Variants in CADPS2 observed in about 807,000 individuals in gnomAD.
CADPS2 encodes calcium-dependent secretion activator 2.
Under a neutral mutation model 172.5 loss-of-function variants are expected in CADPS2, and 93 were observed. That is an observed-to-expected ratio of 0.54 (90% CI 0.46 to 0.64). CADPS2 has a LOEUF of 0.64. Among genes scored for constraint, CADPS2 ranks in the 30% least tolerant of loss-of-function variants. CADPS2 has a pLI of 0.00. For synonymous variants in CADPS2, 546 were observed against 555.2 expected (o/e 0.98, Z 0.23); for missense variants, 1,420 against 1,565.9 (o/e 0.91, Z 1.57).
At chr7:122,362,867 A>T (rs1469998009) in intron 25 of CADPS2, among the ~76,000 whole-genome samples, 1 of 152,202 alleles carries the variant, frequency 6.6e-6, no homozygotes, top group Non-Finnish European at 1.5e-5. Flanking sequence ...GTTTATGCAA[A>T]AGAAACAAAA....
intron 1 of CADPS2, among the ~76,000 whole-genome samples, chr7:122,860,736 C>T (rs1336499053): frequency 6.6e-6 from 1 of 152,106 alleles, no homozygotes; most frequent in Non-Finnish European, 1.5e-5. Flanking sequence ...AACCCCTGTA[C>T]CCAATACTTT....
At chr7:122,490,833 G>C (rs1180222161) in intron 10 of CADPS2, among the ~76,000 whole-genome samples, 1 of 151,722 alleles carries the variant, frequency 6.6e-6, no homozygotes, top group African/African-American at 2.4e-5. Flanking sequence ...CTTGATCTTA[G>C]ATATTAATGT....
At chr7:122,644,403 T>C (rs2078071655) in intron 3 of CADPS2, among the ~76,000 whole-genome samples, 1 of 152,180 alleles carries the variant, frequency 6.6e-6, no homozygotes, top group African/African-American at 2.4e-5. Context: ...GACAAACCAA[T>C]TACTTAACAA....
At chr7:122,542,350 C>G (rs979501976) in intron 8 of CADPS2, among the ~76,000 whole-genome samples, 1 of 152,092 alleles carries the variant, frequency 6.6e-6, no homozygotes, top group African/African-American at 2.4e-5. Context: ...TTACTACAAA[C>G]ACACCTAACA....
rs764776722 is a variant in CADPS2, at chr7:122,393,299, G to T, written c.2905C>A (p.Leu969Ile). 1 of 1,613,886 alleles carries T rather than the reference G, an allele frequency of 6.2e-7. No individual in the cohort carries two copies. The highest frequency in any genetic ancestry group is 1.1e-5 in the South Asian group (1 of 91,076). Residue 969 changes from leucine to isoleucine, a missense_variant, in exon 22 of 30, where the codon CTT (leucine) becomes ATT (isoleucine). Coordinates refer to ENST00000449022, the MANE Select transcript of CADPS2 (RefSeq NM_017954.11). Reference protein sequence around the residue: ...WQPVKNIANSLPNVALPKVPS... With the variant: ...WQPVKNIANSIPNVALPKVPS... ...ACTTTTGGAAGAGCTACATTGGGAAGACTGTTGGCGATATTCCTGTAAAGA... is the reference window on the plus strand; with the variant it reads ...ACTTTTGGAAGAGCTACATTGGGAATACTGTTGGCGATATTCCTGTAAAGA...
At chr7:122,629,640 A>G (rs2134175196) in intron 3 of CADPS2, among the ~76,000 whole-genome samples, 1 of 152,262 alleles carries the variant, frequency 6.6e-6, no homozygotes, top group Admixed American at 6.5e-5. Flanking sequence ...TTGTTCTTTC[A>G]AGTTCTCACC....
chr7:122,495,144 C>G (rs1163136924), intron 9 of CADPS2, among the ~76,000 whole-genome samples: 1 of 152,040 alleles, frequency 6.6e-6, no homozygotes, highest in Non-Finnish European at 1.5e-5. Flanking sequence ...TGAAATATCT[C>G]CAACATAAAG....
intron 14 of CADPS2, among the ~76,000 whole-genome samples, chr7:122,453,273 A>G (rs1348430972): frequency 1.3e-5 from 2 of 152,184 alleles, no homozygotes; most frequent in Non-Finnish European, 2.9e-5. Context: ...AGTCTAACGC[A>G]TAAATTACAA....
At chr7:122,529,770 T>G (rs560496766) in intron 8 of CADPS2, among the ~76,000 whole-genome samples, 2 of 152,234 alleles carry the variant, frequency 1.3e-5, no homozygotes, top group East Asian at 3.9e-4. Context: ...CGCTTGAAGA[T>G]CCACGCCAAA....
rs57311950 is a variant in CADPS2, at chr7:122,432,643, T to TAAAAAAA, written c.2476+5691_2476+5697dup. 2.7e-4 allele frequency among the ~76,000 whole-genome samples: 29 copies of TAAAAAAA among 108,378 alleles called. 1 individual carries two copies. The highest frequency in any genetic ancestry group is 7.9e-4 in the East Asian group (3 of 3,784). The allele number at this position is 108,378 out of a possible 152,430, so 71.1% of individuals were successfully genotyped here. On this transcript the variant is annotated intron_variant, in intron 17 of 29. Transcript: ENST00000449022. ...GCAACAAGGCAAGACTCTGTTAAAA[T>TAAAAAAA]AAAAAAAAAAAAAAAAAAGAAAAAA...
chr7:122,451,337 T>A (rs2053077918), intron 15 of CADPS2, 37 bp downstream of exon 15: 1 of 1,110,992 alleles, frequency 9.0e-7, no homozygotes, highest in Non-Finnish European at 1.2e-6. Flanking sequence ...GAGTAAAGTA[T>A]GAAAAGAAAT....
chr7:122,448,909 G>A (rs184334775), intron 15 of CADPS2, among the ~76,000 whole-genome samples: 26 of 152,132 alleles, frequency 1.7e-4, no homozygotes, highest in African/African-American at 5.1e-4. Context: ...TAGGCTTAAC[G>A]GCTAAGGTGT....
chr7:122,377,442 G>A (rs1316973181), intron 25 of CADPS2, among the ~76,000 whole-genome samples: 1 of 152,028 alleles, frequency 6.6e-6, no homozygotes, highest in Non-Finnish European at 1.5e-5. Flanking sequence ...TTTCCTTGCT[G>A]CCTGATAAAC....
Position 122,493,720 on chromosome 7 carries a change from CTTTT to C in CADPS2, c.1543-2304_1543-2301del, listed in dbSNP as rs10544810. Among the ~76,000 whole-genome samples, 485 of 131,582 alleles carry C rather than the reference CTTTT, an allele frequency of 3.7e-3. 1 individual carries two copies. The highest frequency in any genetic ancestry group is 9.4e-3 in the African/African-American group (342 of 36,500). 86.3% of individuals were successfully genotyped at this position (131,582 alleles called of 152,430 possible). On this transcript the variant is annotated intron_variant, in intron 9 of 29. Coordinates refer to ENST00000449022, the MANE Select transcript of CADPS2 (RefSeq NM_017954.11). ...TTTGCCAAGCGTGGTTATGTTTAAT[CTTTT>C]TTTTTTTTTTTTTTGCCAATTTTGA...
chr7:122,652,833 A>T (rs1177717649), intron 3 of CADPS2, among the ~76,000 whole-genome samples: 1 of 152,182 alleles, frequency 6.6e-6, no homozygotes, highest in Non-Finnish European at 1.5e-5. Context: ...TCTTGATAAC[A>T]ATAACAATTT....
At chr7:122,865,412 C>T (rs1818042027) in intron 1 of CADPS2, among the ~76,000 whole-genome samples, 1 of 152,172 alleles carries the variant, frequency 6.6e-6, no homozygotes, top group African/African-American at 2.4e-5. Context: ...GGAAGAGATG[C>T]TGTGACACAT....
Position 122,372,106 on chromosome 7 carries a change from C to A in CADPS2, c.3387+7262G>T, listed in dbSNP as rs117580384. Among the ~76,000 whole-genome samples the A allele has an allele frequency of 8.2e-3, 1,248 of 152,250 alleles. 4 individuals carry two copies. Among genetic ancestry groups the A allele is most frequent in the Admixed American group, 0.012 (178 of 15,306 alleles). ...AATAAATGCTACTATTATATTACTC[C>A]TACTTTATAGGAGAGGAAAACTGAG... On this transcript the variant is annotated intron_variant, in intron 25 of 29. Coordinates refer to ENST00000449022, the MANE Select transcript of CADPS2 (RefSeq NM_017954.11).
intron 7 of CADPS2, among the ~76,000 whole-genome samples, chr7:122,558,451 C>T (rs1055536413): frequency 2.0e-5 from 3 of 152,070 alleles, no homozygotes; most frequent in East Asian, 3.9e-4. Flanking sequence ...ATTTCTGCTT[C>T]TTCTCATTTA....
intron 6 of CADPS2, among the ~76,000 whole-genome samples, chr7:122,592,686 G>A (rs1372845849): frequency 6.6e-6 from 1 of 151,938 alleles, no homozygotes. Flanking sequence ...TGTCCTTTAT[G>A]GGGACATGGA....
Sources: allele counts gnomAD v4.1 joint callset (sites outside exome capture counted in the v4.1 genomes callset), GRCh38; gene constraint gnomAD v4.1.1; transcripts MANE v1.5; gene names NCBI Gene and HGNC (gene_info 2026-07-23, HGNC 2026-07-21).